The following RTTN variants were observed in gnomAD, a reference collection of about 807,000 sequenced individuals.
RTTN encodes the protein rotatin.
A neutral mutation model predicts 269.2 loss-of-function variants in RTTN; 182 were observed. The ratio of observed to expected loss-of-function variants is 0.68; its 90% CI spans 0.60 to 0.76. The LOEUF is 0.76. RTTN is among the 30% of genes least tolerant of loss of function. The probability of loss-of-function intolerance (pLI) is 0.00; values close to 1 mark genes in which losing one functional copy is unlikely to be tolerated. For missense variants in RTTN, 2,545 were observed against 2,608.6 expected (o/e 0.98, Z 0.53); for synonymous variants, 1,006 against 963.5 (o/e 1.04, Z -0.82).
chr18:70,017,913 A>G (rs1367155600), intron 45 of RTTN, among the ~76,000 whole-genome samples: 1 of 152,200 alleles, frequency 6.6e-6, no homozygotes, highest in African/African-American at 2.4e-5. Context: ...TGGATGAAGT[A>G]TACTATAGTT....
chr18:70,181,078 C>A (rs1227697823), intron 10 of RTTN, among the ~76,000 whole-genome samples: 1 of 152,154 alleles, frequency 6.6e-6, no homozygotes, highest in Non-Finnish European at 1.5e-5. Context: ...CCTTAATGAG[C>A]CCTTACTGGA....
chr18:70,092,475 G>C (rs185017611), intron 29 of RTTN, among the ~76,000 whole-genome samples: 3 of 152,216 alleles, frequency 2.0e-5, no homozygotes, highest in Non-Finnish European at 2.9e-5. Context: ...ATGCACATTT[G>C]AATCAATTTC....
At chr18:70,124,910 G>C (rs1048057794) in intron 25 of RTTN, among the ~76,000 whole-genome samples, 1 of 152,016 alleles carries the variant, frequency 6.6e-6, no homozygotes, top group Non-Finnish European at 1.5e-5. Flanking sequence ...AAGGAGTAGA[G>C]AGGCATTAAA....
In RTTN at chr18:70,017,632, C is replaced by T. The variant is rs750314107; in HGVS notation, c.6196G>A (p.Gly2066Arg). The T allele has an allele frequency of 5.0e-6, 8 of 1,613,576 alleles. No homozygotes were observed. The South Asian group carries it at 8.8e-5, about 18-fold the overall frequency. The change falls in exon 46 of 49, where the codon GGA (glycine) becomes AGA (arginine). Residue 2066 changes from glycine (G) to arginine (R), a missense_variant. Gly to Arg is a moderately radical substitution (Grantham distance 125). Transcript: ENST00000640769. ...QNFLSLALPK[G>R]GNKHLSNLTI... ...AGATTACTTAGATGTTTATTTCCTC[C>T]TTTTGGCAATGCTAGAGAGAGGAAG...
At chr18:70,170,672 A>G (rs1448774907) in intron 11 of RTTN, among the ~76,000 whole-genome samples, 2 of 152,206 alleles carry the variant, frequency 1.3e-5, no homozygotes, top group African/African-American at 4.8e-5. Flanking sequence ...GTCATAAGGA[A>G]TTGTCCTCTG....
rs1475969043 is a variant in RTTN at position 70,012,152 on chromosome 18, G to A, written c.6421+5255C>T. Reference sequence around the variant, plus strand: ...TCACTGGTGTTAGACAGAGGGCAGCGTCTGCTCACTGGTATTGGTTAGAGG... The same window carrying A: ...TCACTGGTGTTAGACAGAGGGCAGCATCTGCTCACTGGTATTGGTTAGAGG... On this transcript the variant is annotated intron_variant, in intron 46 of 48. Coordinates refer to ENST00000640769, the MANE Select transcript of RTTN (RefSeq NM_173630.4). 6.7e-5 allele frequency among the ~76,000 whole-genome samples: 10 copies of A among 148,578 alleles called. 1 individual carries two copies. Among genetic ancestry groups the A allele is most frequent in the African/African-American group, 2.0e-4 (8 of 40,220 alleles).
In RTTN at chr18:70,166,187, A is replaced by G; in HGVS notation, c.1804T>C (p.Trp602Arg). Reference sequence around the variant, plus strand: ...AATGGACTGGCCTGAGCAGATTTCCAGCTGGTGAAAAGGTAAAACAACCAA... The same window carrying G: ...AATGGACTGGCCTGAGCAGATTTCCGGCTGGTGAAAAGGTAAAACAACCAA... ...KEIISICSKI[W>R]KSAQASPLLQ... The change falls in exon 14 of 49, where the codon TGG (tryptophan) becomes CGG (arginine). Residue 602 changes from tryptophan (W) to arginine (R), a missense_variant and splice_region_variant. Trp to Arg is a moderately radical substitution (Grantham distance 101). Transcript: ENST00000640769. 1 of 1,611,796 alleles carries G rather than the reference A, an allele frequency of 6.2e-7. No homozygotes were observed. The highest frequency in any genetic ancestry group is 8.5e-7 in the Non-Finnish European group (1 of 1,178,576).
intron 30 of RTTN, 49 bp from the exon 31 acceptor site, chr18:70,088,196 A>G: frequency 2.0e-6 from 3 of 1,520,608 alleles, no homozygotes; most frequent in Non-Finnish European, 2.7e-6. Context: ...CCTTTTTCCT[A>G]ACATGAATTC....
intron 18 of RTTN, 58 bp downstream of exon 18, chr18:70,145,554 C>G: frequency 2.4e-6 from 3 of 1,276,430 alleles, no homozygotes; most frequent in Non-Finnish European, 3.2e-6. Context: ...ACATAAAATA[C>G]ATGATATAAA....
At chr18:70,112,048 C>A (rs1024177089) in intron 27 of RTTN, among the ~76,000 whole-genome samples, 1 of 152,108 alleles carries the variant, frequency 6.6e-6, no homozygotes, top group African/African-American at 2.4e-5. Context: ...TCATATCCAG[C>A]CAAACTAAGC....
chr18:70,082,580 C>CA (rs1178854348), intron 32 of RTTN, among the ~76,000 whole-genome samples: 2 of 152,214 alleles, frequency 1.3e-5, no homozygotes, highest in African/African-American at 2.4e-5. Context: ...AACTCCTAGT[C>CA]AGACTGTGGG....
chr18:70,128,518 G>A lies in RTTN; in HGVS notation c.2983C>T (p.His995Tyr). The A allele has an allele frequency of 6.2e-7, 1 of 1,612,778 alleles. No individual in the cohort carries two copies. The highest frequency in any genetic ancestry group is 1.1e-5 in the South Asian group (1 of 91,042). The change falls in exon 24 of 49, where the codon CAC becomes TAC. Residue 995 changes from histidine to tyrosine, a missense_variant. By Grantham distance (83) the His-to-Tyr change is moderately conservative. Transcript: ENST00000640769. ...RYHLPVHVIG[H>Y]HAVSPYSIVL... ...ATGGAGTAAGGACTCACAGCATGGT[G>A]TCCAATTACATGAACAGGTAGATGG...
Position 70,005,214 on chromosome 18 carries a change from G to A in RTTN, c.6579C>T (p.Tyr2193=), listed in dbSNP as rs550888459. The change falls in exon 48 of 49, where the codon TAC becomes TAT. Residue 2193 remains tyrosine, a synonymous_variant. Coordinates refer to ENST00000640769, the MANE Select transcript of RTTN (RefSeq NM_173630.4). The stretch of plus-strand genomic sequence containing the variant: ...GCAACTTACTTTTCTTTGCTAAGGA[G>A]TATGCTTCATCCACTCTTCTTTTTA... ...PSVKRRVDEA[Y]SLAKKTFPNS... 6.2e-6 allele frequency: 10 copies of A among 1,611,760 alleles called. No individual in the cohort carries two copies. The highest frequency in any genetic ancestry group is 4.0e-5 in the African/African-American group (3 of 74,936).
chr18:70,078,274 T>C (rs2058478106), intron 32 of RTTN, among the ~76,000 whole-genome samples: 1 of 151,990 alleles, frequency 6.6e-6, no homozygotes, highest in Non-Finnish European at 1.5e-5. Context: ...AGGAACAATC[T>C]TCACCAAACA....
At chr18:70,151,278 TATC>T (rs1008032453) in intron 14 of RTTN, among the ~76,000 whole-genome samples, 17 of 149,944 alleles carry the variant, frequency 1.1e-4, no homozygotes, top group African/African-American at 3.9e-4. Context: ...TATATAAAGT[TATC>T]ATCAATACAG....
At chr18:70,149,849 C>T (rs899505155) in intron 16 of RTTN, 122 bp downstream of exon 16, 6 of 735,332 alleles carry the variant, frequency 8.2e-6, no homozygotes, top group African/African-American at 7.1e-5. Context: ...TTATCCCCAG[C>T]GCCTTCACAG....
chr18:70,129,386 A>G (rs2059943161), intron 23 of RTTN: 1 of 152,194 alleles, frequency 6.6e-6, no homozygotes, highest in Non-Finnish European at 1.5e-5. Flanking sequence ...GAATTATGCT[A>G]CAAAGCTATA....
chr18:70,119,392 G>T (rs1490038668), intron 26 of RTTN, among the ~76,000 whole-genome samples: 1 of 151,748 alleles, frequency 6.6e-6, no homozygotes, highest in Non-Finnish European at 1.5e-5. Context: ...TAATGTCCAA[G>T]TTGCAGGTAC....
chr18:70,070,811 G>C (rs923591813), intron 34 of RTTN, among the ~76,000 whole-genome samples: 1 of 152,176 alleles, frequency 6.6e-6, no homozygotes, highest in East Asian at 1.9e-4. Flanking sequence ...TAGTTAGAAA[G>C]TCTAAGTATG....
Sources: allele counts gnomAD v4.1 joint callset (sites outside exome capture counted in the v4.1 genomes callset), GRCh38; gene constraint gnomAD v4.1.1; transcripts MANE v1.5; gene names NCBI Gene and HGNC (gene_info 2026-07-23, HGNC 2026-07-21).